The following NSF variants were observed in gnomAD, a reference collection of about 807,000 sequenced individuals.
NSF encodes N-ethylmaleimide sensitive factor, vesicle fusing ATPase, also known as vesicle-fusing ATPase.
NSF carries 14 observed loss-of-function variants against 50.3 expected under a neutral mutation model. That is an observed-to-expected ratio of 0.28 (90% CI 0.18 to 0.44). The LOEUF is 0.44. NSF is among the 20% of genes least tolerant of loss of function. NSF has a pLI of 1.00. For synonymous variants in NSF, 109 were observed against 175.7 expected, an observed-to-expected ratio of 0.62 and a Z score of 3.00; for missense variants, 218 against 504.3, an observed-to-expected ratio of 0.43 and a Z score of 5.44.
At position 46,756,911 on chromosome 17, in the gene NSF, A is replaced by C. The variant is rs1391263972; in HGVS notation, c.*1088A>C. 1.3e-5 allele frequency: 2 copies of C among 152,562 alleles called. No individual in the cohort carries two copies. Among genetic ancestry groups the C allele is most frequent in the Non-Finnish European group, 2.9e-5 (2 of 68,034 alleles). 9.5% of individuals were successfully genotyped at this position (152,562 alleles called of 1,614,324 possible). A position where few individuals can be genotyped will look rare whatever the true frequency, so the allele number is the denominator to read the frequency against. On this transcript the variant is annotated 3_prime_UTR_variant, in exon 21 of 21. Coordinates refer to ENST00000398238, the MANE Select transcript of NSF (RefSeq NM_006178.4). ...AGGAAGCACCCGTTGAGTCCTTTTG[A>C]GGGTGATTTGTCTTACAACTGACTG...
chr17:46,725,299 C>T (rs1431560801), intron 15 of NSF, among the ~76,000 whole-genome samples: 1 of 152,102 alleles, frequency 6.6e-6, no homozygotes, highest in East Asian at 1.9e-4. Flanking sequence ...AGCTTTTATC[C>T]ACCTCACAGT....
At chr17:46,733,795 C>T (rs193198567) in intron 17 of NSF, among the ~76,000 whole-genome samples, 3 of 152,314 alleles carry the variant, frequency 2.0e-5, no homozygotes, top group African/African-American at 7.2e-5. Context: ...ACCACTCCAA[C>T]GTCATAGCAG....
intron 15 of NSF, among the ~76,000 whole-genome samples, chr17:46,722,931 T>A (rs2058847486): frequency 6.6e-6 from 1 of 152,142 alleles, no homozygotes; most frequent in African/African-American, 2.4e-5. Flanking sequence ...TGATAGTAAT[T>A]AGCACAGAGA....
intron 17 of NSF, among the ~76,000 whole-genome samples, chr17:46,738,045 C>T (rs879481664): frequency 4.6e-5 from 7 of 151,828 alleles, no homozygotes; most frequent in Non-Finnish European, 7.4e-5. Flanking sequence ...TTGATCCTCC[C>T]GCCTCAGCCC....
intron 15 of NSF, chr17:46,721,931 A>G: frequency 6.3e-7 from 1 of 1,596,782 alleles, no homozygotes; most frequent in Non-Finnish European, 8.6e-7. Context: ...TTCGCGTACT[A>G]GCCGGACTTG....
chr17:46,717,726 A>G (rs768309417), intron 15 of NSF, among the ~76,000 whole-genome samples: 42 of 152,044 alleles, frequency 2.8e-4, no homozygotes, highest in Non-Finnish European at 4.7e-4. Context: ...ATAAAATAAA[A>G]TAATGTGTCG....
chr17:46,731,938 A>G (rs1156527083), intron 17 of NSF, among the ~76,000 whole-genome samples: 1 of 152,232 alleles, frequency 6.6e-6, no homozygotes, highest in Admixed American at 6.5e-5. Flanking sequence ...TATTCTCTCA[A>G]GAAAATAAGG....
At chr17:46,690,624 A>AAAAAAAT (rs1381328687) in intron 9 of NSF, among the ~76,000 whole-genome samples, 1 of 110,976 alleles carries the variant, frequency 9.0e-6, no homozygotes, top group Non-Finnish European at 1.8e-5. Context: ...AAAAAAAAAA[A>AAAAAAAT]ATATATATAT....
intron 17 of NSF, 36 bp downstream of exon 17, chr17:46,728,970 AAG>A (rs781485853): frequency 1.5e-6 from 2 of 1,304,964 alleles, no homozygotes; most frequent in Non-Finnish European, 2.2e-6. Flanking sequence ...TATTTTAACA[AAG>A]AGTTTTTCAG....
intron 17 of NSF, among the ~76,000 whole-genome samples, chr17:46,733,979 C>T (rs1377317733): frequency 6.6e-6 from 1 of 152,202 alleles, no homozygotes. Flanking sequence ...AAGAAACTGT[C>T]AGCATTCTCA....
At chr17:46,688,316 G>C (rs1357844338) in intron 9 of NSF, among the ~76,000 whole-genome samples, 1 of 150,438 alleles carries the variant, frequency 6.6e-6, no homozygotes, top group Non-Finnish European at 1.5e-5. Flanking sequence ...TTCAAGACCA[G>C]CCTGGGCAAC....
chr17:46,721,807 A>C, intron 15 of NSF: 1 of 1,601,106 alleles, frequency 6.2e-7, no homozygotes, highest in Non-Finnish European at 8.6e-7. Context: ...CTGTCAGAGT[A>C]CGGCTCCTGG....
intron 14 of NSF, among the ~76,000 whole-genome samples, chr17:46,711,527 C>T (rs1304789673): frequency 2.6e-5 from 4 of 152,158 alleles, no homozygotes; most frequent in South Asian, 2.1e-4. Flanking sequence ...TTCCTGACTA[C>T]GGTGTATGTG....
At chr17:46,733,636 G>T (rs1261151204) in intron 17 of NSF, among the ~76,000 whole-genome samples, 1 of 152,172 alleles carries the variant, frequency 6.6e-6, no homozygotes, top group African/African-American at 2.4e-5. Flanking sequence ...ATACACTTGG[G>T]TAAGTGGATG....
At chr17:46,752,110 T>C (rs1478964992) in intron 19 of NSF, among the ~76,000 whole-genome samples, 1 of 152,178 alleles carries the variant, frequency 6.6e-6, no homozygotes, top group Non-Finnish European at 1.5e-5. Context: ...TTGGGATCTG[T>C]ATATTTGTCC....
intron 15 of NSF, chr17:46,722,102 G>T: frequency 6.2e-7 from 1 of 1,611,524 alleles, no homozygotes; most frequent in Non-Finnish European, 8.5e-7. Context: ...CTGGGAGATG[G>T]CCGGACTCGA....
At chr17:46,745,737 T>A (rs937513223) in intron 17 of NSF, among the ~76,000 whole-genome samples, 25 of 152,244 alleles carry the variant, frequency 1.6e-4, no homozygotes, top group African/African-American at 5.8e-4. Context: ...TGTATCAGCA[T>A]GTGTGGCCTT....
intron 12 of NSF, among the ~76,000 whole-genome samples, chr17:46,696,427 T>C (rs1354569326): frequency 1.4e-5 from 2 of 138,672 alleles, no homozygotes; most frequent in African/African-American, 6.0e-5. Context: ...ATGTCAGATA[T>C]GGTCAACTTG....
chr17:46,751,974 A>G (rs1003413122), intron 19 of NSF, among the ~76,000 whole-genome samples: 2 of 152,232 alleles, frequency 1.3e-5, no homozygotes, highest in South Asian at 4.1e-4. Context: ...CCAAGATCAC[A>G]TCACCAGGTT....
Sources: allele counts gnomAD v4.1 joint callset (sites outside exome capture counted in the v4.1 genomes callset), GRCh38; gene constraint gnomAD v4.1.1; transcripts MANE v1.5; gene names NCBI Gene and HGNC (gene_info 2026-07-23, HGNC 2026-07-21).